The following RBFOX1 variants were observed in gnomAD, a reference collection of about 807,000 sequenced individuals.
The protein encoded by RBFOX1 is RNA binding fox-1 homolog 1.
RBFOX1 carries 8 observed loss-of-function variants against 57.7 expected under a neutral mutation model. That is an observed-to-expected ratio of 0.14 (90% CI 0.08 to 0.25). The LOEUF is 0.25. Among genes scored for constraint, RBFOX1 ranks in the 10% least tolerant of loss-of-function variants. RBFOX1 has a pLI of 1.00. For synonymous variants in RBFOX1, 326 were observed against 222.4 expected, an observed-to-expected ratio of 1.47 and a Z score of -4.15; for missense variants, 611 against 548.5, an observed-to-expected ratio of 1.11 and a Z score of -1.14.
rs374226585 is a variant in RBFOX1 at position 5,971,301 on chromosome 16, A to G, written c.351+103966A>G. On this transcript the variant is annotated intron_variant, in intron 4 of 19. Transcript: ENST00000641259. ...CTCCCATAACAGTCCTTGTCATGTG[A>G]CAGGAAATGACATCATGTGTGGACG... is the stretch of plus-strand genomic sequence containing the variant. Among the ~76,000 whole-genome samples, 89 of 152,342 alleles carry G rather than the reference A, an allele frequency of 5.8e-4. 1 individual carries two copies. Among genetic ancestry groups the G allele is most frequent in the African/African-American group, 2.0e-3 (84 of 41,596 alleles).
intron 4 of RBFOX1, among the ~76,000 whole-genome samples, chr16:5,993,374 TGTGTGTGTGTGAGA>T (rs1260455519): frequency 2.9e-5 from 1 of 34,526 alleles, no homozygotes; most frequent in Non-Finnish European, 6.3e-5. Flanking sequence ...TGTGTGTGTG[TGTGTGTGTGTGAGA>T]GAGAGAGAGA....
intron 1 of RBFOX1, among the ~76,000 whole-genome samples, chr16:6,210,116 G>A (rs530516022): frequency 7.2e-5 from 11 of 151,766 alleles, no homozygotes; most frequent in Admixed American, 2.0e-4. Flanking sequence ...TCAGGAGTTC[G>A]AGACCAGCCT....
At chr16:5,301,124 C>G (rs931482969) in intron 1 of RBFOX1, among the ~76,000 whole-genome samples, 17 of 152,160 alleles carry the variant, frequency 1.1e-4, no homozygotes, top group African/African-American at 3.9e-4. Flanking sequence ...GGGATGTTAC[C>G]TTCGAGACCA....
chr16:5,585,499 C>T (rs1333248012), intron 2 of RBFOX1, among the ~76,000 whole-genome samples: 2 of 152,186 alleles, frequency 1.3e-5, no homozygotes, highest in East Asian at 1.9e-4. Flanking sequence ...CATGGTTGCC[C>T]TTGGCCTGTA....
In RBFOX1 at chr16:6,826,358, A is replaced by G. The variant is rs139251121; in HGVS notation, c.-16+171708A>G. On this transcript the variant is annotated intron_variant, in intron 3 of 15. Coordinates refer to ENST00000550418, the MANE Select transcript of RBFOX1 (RefSeq NM_018723.4). ...GGAGACCCCCTTCTTATTTACAGAAAAAGGGAGGGGTGCTTAGAACACTGC... is the reference window on the plus strand; with the variant it reads ...GGAGACCCCCTTCTTATTTACAGAAGAAGGGAGGGGTGCTTAGAACACTGC... Among the ~76,000 whole-genome samples, 317 of 152,272 alleles carry G rather than the reference A, an allele frequency of 2.1e-3. 3 individuals carry two copies. The highest frequency in any genetic ancestry group is 7.3e-3 in the African/African-American group (305 of 41,546).
intron 7 of RBFOX1, among the ~76,000 whole-genome samples, chr16:7,588,324 A>C (rs949750089): frequency 6.6e-6 from 1 of 152,222 alleles, no homozygotes; most frequent in African/African-American, 2.4e-5. Flanking sequence ...TAGAAATGCA[A>C]GTTCTCAGGC....
intron 4 of RBFOX1, chr16:7,510,351 A>C (rs1328801319): frequency 1.4e-5 from 14 of 984,906 alleles, no homozygotes; most frequent in Non-Finnish European, 1.7e-5. Context: ...TTTCACTCAA[A>C]ATTGCGATTT....
chr16:5,266,824 G>A (rs112968796), intron 1 of RBFOX1, among the ~76,000 whole-genome samples: 1 of 152,052 alleles, frequency 6.6e-6, no homozygotes, highest in Non-Finnish European at 1.5e-5. Context: ...CTCCCAAAGT[G>A]CTGGGATGAC....
chr16:5,824,291 A>G (rs1364321224), intron 3 of RBFOX1, among the ~76,000 whole-genome samples: 1 of 152,158 alleles, frequency 6.6e-6, no homozygotes. Flanking sequence ...AGCTGAGTGG[A>G]TGGTAGAAGG....
chr16:7,676,942 G>T, intron 14 of RBFOX1, 104 bp downstream of exon 14: 2 of 1,199,584 alleles, frequency 1.7e-6, no homozygotes, highest in Non-Finnish European at 2.4e-6. Context: ...GACTGCTGGG[G>T]GAGGTAGCAC....
intron 2 of RBFOX1, among the ~76,000 whole-genome samples, chr16:6,539,357 G>GC (rs1297714914): frequency 6.6e-6 from 1 of 152,110 alleles, no homozygotes; most frequent in Non-Finnish European, 1.5e-5. Flanking sequence ...ATAAGATAAT[G>GC]CAGGAAAGCA....
chr16:5,682,050 G>A (rs1351070571), intron 3 of RBFOX1, among the ~76,000 whole-genome samples: 1 of 152,124 alleles, frequency 6.6e-6, no homozygotes, highest in Non-Finnish European at 1.5e-5. Flanking sequence ...GCACCTCCTA[G>A]GTCTCTGGGG....
intron 3 of RBFOX1, among the ~76,000 whole-genome samples, chr16:5,854,409 A>C (rs931927496): frequency 6.6e-6 from 1 of 152,196 alleles, no homozygotes; most frequent in Non-Finnish European, 1.5e-5. Flanking sequence ...TTTAGATCTC[A>C]TGTATTAGTG....
chr16:5,554,957 A>C (rs972550423), intron 2 of RBFOX1, among the ~76,000 whole-genome samples: 1 of 152,190 alleles, frequency 6.6e-6, no homozygotes, highest in African/African-American at 2.4e-5. Context: ...TTGTATTTCC[A>C]TGGGGCTTGA....
intron 2 of RBFOX1, among the ~76,000 whole-genome samples, chr16:5,474,758 C>T (rs563326714): frequency 4.6e-5 from 7 of 151,784 alleles, no homozygotes; most frequent in African/African-American, 1.7e-4. Flanking sequence ...CTTTATTTTT[C>T]ATATGAGATA....
intron 2 of RBFOX1, among the ~76,000 whole-genome samples, chr16:6,372,398 G>A (rs1479880430): frequency 1.3e-5 from 2 of 151,306 alleles, no homozygotes; most frequent in Non-Finnish European, 2.9e-5. Context: ...GAGGATGGTT[G>A]GGTGGAATGG....
intron 1 of RBFOX1, among the ~76,000 whole-genome samples, chr16:6,041,645 A>T (rs2095437562): frequency 6.6e-6 from 1 of 152,136 alleles, no homozygotes. Flanking sequence ...CCAAAGCCTA[A>T]GTCTTGAAAT....
intron 2 of RBFOX1, among the ~76,000 whole-genome samples, chr16:5,485,345 CAAAAAAAA>C (rs71142624): frequency 1.9e-5 from 1 of 51,692 alleles, no homozygotes; most frequent in South Asian, 1.5e-3. Context: ...GACTCCGTGT[CAAAAAAAA>C]AAAAAAAAAA....
At chr16:5,464,897 T>C (rs2068905516) in intron 1 of RBFOX1, among the ~76,000 whole-genome samples, 1 of 152,124 alleles carries the variant, frequency 6.6e-6, no homozygotes, top group African/African-American at 2.4e-5. Context: ...TCTGTATCTG[T>C]TCAGCCCCTG....
Sources: allele counts gnomAD v4.1 joint callset (sites outside exome capture counted in the v4.1 genomes callset), GRCh38; gene constraint gnomAD v4.1.1; transcripts MANE v1.5; gene names NCBI Gene and HGNC (gene_info 2026-07-23, HGNC 2026-07-21).